The following LHPP variants were observed in gnomAD, a reference collection of about 807,000 sequenced individuals.
LHPP encodes the protein hLHPP.
Under a neutral mutation model 30.3 loss-of-function variants are expected in LHPP, and 24 were observed. The ratio of observed to expected loss-of-function variants is 0.79; its 90% confidence interval spans 0.57 to 1.11. The LOEUF (loss-of-function observed/expected upper bound fraction) is 1.11. Among genes scored for constraint, LHPP ranks in the 50% most tolerant of loss-of-function variants. The probability of loss-of-function intolerance (pLI) is 0.00; values close to 1 mark genes in which losing one functional copy is unlikely to be tolerated. For synonymous variants in LHPP, 150 were observed against 157.1 expected, an observed-to-expected ratio of 0.95 and a Z score of 0.34; for missense variants, 356 against 367.2, an observed-to-expected ratio of 0.97 and a Z score of 0.25.
chr10:124,568,476 C>T (rs1204436882), intron 6 of LHPP, among the ~76,000 whole-genome samples: 10 of 152,170 alleles, frequency 6.6e-5, no homozygotes, highest in Admixed American at 5.9e-4. Flanking sequence ...CGATGAGGCC[C>T]CTTTCGAGTC....
At chr10:124,532,803 A>G (rs138805246) in intron 6 of LHPP, among the ~76,000 whole-genome samples, 56 of 152,332 alleles carry the variant, frequency 3.7e-4, no homozygotes, top group African/African-American at 1.2e-3. Flanking sequence ...GGACAGTGCC[A>G]GCATGTCTGT....
chr10:124,602,162 C>A (rs1949031638), intron 6 of LHPP, among the ~76,000 whole-genome samples: 1 of 152,330 alleles, frequency 6.6e-6, no homozygotes, highest in South Asian at 2.1e-4. Context: ...CTGACGTGAG[C>A]CCAGATTTCG....
chr10:124,537,130 T>G (rs926776161), intron 6 of LHPP, among the ~76,000 whole-genome samples: 1 of 152,230 alleles, frequency 6.6e-6, no homozygotes, highest in African/African-American at 2.4e-5. Context: ...GTAAAGAATT[T>G]GAGAATCAGA....
chr10:124,508,699 A>T (rs1211651205), intron 5 of LHPP, among the ~76,000 whole-genome samples: 1 of 152,134 alleles, frequency 6.6e-6, no homozygotes. Context: ...AAAATTCAGG[A>T]AAGTACAAGA....
At chr10:124,470,681 C>CAATAATAAT (rs71026092) in intron 1 of LHPP, among the ~76,000 whole-genome samples, 19,496 of 149,848 alleles carry the variant, frequency 0.13, 1,711 homozygotes, top group Non-Finnish European at 0.18. Flanking sequence ...ACAACAACAA[C>CAATAATAAT]AATAATAATA....
intron 1 of LHPP, among the ~76,000 whole-genome samples, chr10:124,462,247 G>C (rs72835577): frequency 0.024 from 3,615 of 152,290 alleles, 85 homozygotes; most frequent in East Asian, 0.12. Flanking sequence ...CTGAGCGCTT[G>C]ACCTGCGGCC....
intron 6 of LHPP, among the ~76,000 whole-genome samples, chr10:124,611,870 T>C: frequency 6.6e-6 from 1 of 152,228 alleles, no homozygotes; most frequent in East Asian, 1.9e-4. Flanking sequence ...GTGGGGGCGC[T>C]GCTGCCGGGA....
intron 2 of LHPP, among the ~76,000 whole-genome samples, chr10:124,488,004 G>T (rs536643268): frequency 3.9e-5 from 6 of 152,162 alleles, no homozygotes; most frequent in Non-Finnish European, 8.8e-5. Flanking sequence ...TGTGTCAACG[G>T]TTCTTACAGT....
At chr10:124,595,886 T>A (rs948566491) in intron 6 of LHPP, among the ~76,000 whole-genome samples, 1 of 152,220 alleles carries the variant, frequency 6.6e-6, no homozygotes, top group Admixed American at 6.5e-5. Context: ...CACACCGCTC[T>A]CCCTGCACAG....
intron 6 of LHPP, among the ~76,000 whole-genome samples, chr10:124,556,795 G>A (rs10901759): frequency 0.41 from 62,504 of 152,030 alleles, 14,040 homozygotes; most frequent in Non-Finnish European, 0.52. Context: ...TTCCTCAGTC[G>A]CTGATATTTG....
chr10:124,531,076 C>T (rs1954890298), intron 6 of LHPP, among the ~76,000 whole-genome samples: 1 of 152,178 alleles, frequency 6.6e-6, no homozygotes, highest in Admixed American at 6.5e-5. Context: ...CCACCTGGAG[C>T]CTTTATGCAT....
At chr10:124,484,670 CAGAGAGAG>C (rs5788664) in intron 2 of LHPP, among the ~76,000 whole-genome samples, 3 of 144,166 alleles carry the variant, frequency 2.1e-5, no homozygotes, top group African/African-American at 5.2e-5. Flanking sequence ...GAGAAAGAGA[CAGAGAGAG>C]AGAGAGAGAG....
Position 124,576,083 on chromosome 10 carries a change from T to C in LHPP, c.717-37181T>C, listed in dbSNP as rs1034230605. Among the ~76,000 whole-genome samples, 11 of 152,164 alleles carry C rather than the reference T, an allele frequency of 7.2e-5. No homozygotes were observed. The highest frequency in any genetic ancestry group is 2.4e-4 in the African/African-American group (10 of 41,420). On this transcript the variant is annotated intron_variant, in intron 6 of 6. Coordinates refer to ENST00000368842, the MANE Select transcript of LHPP (RefSeq NM_022126.4). The surrounding 1 kb of genome is among the most constrained non-coding windows in gnomAD (Gnocchi z 4.2). ...CACTGGATTGGTCGTTTCTGCATTG[T>C]CCGGAGCTCTCAGACCTGGTTTCTT...
At chr10:124,524,735 G>C (rs962613773) in intron 6 of LHPP, among the ~76,000 whole-genome samples, 2 of 152,192 alleles carry the variant, frequency 1.3e-5, no homozygotes, top group Non-Finnish European at 2.9e-5. Flanking sequence ...GGGAGGCTGA[G>C]GCAGGAGGAT....
intron 6 of LHPP, among the ~76,000 whole-genome samples, chr10:124,522,774 A>C (rs1686798639): frequency 6.8e-6 from 1 of 147,308 alleles, no homozygotes; most frequent in Non-Finnish European, 1.5e-5. Flanking sequence ...CTGTCAAGGC[A>C]GCCCTCATCT....
At chr10:124,597,972 C>T (rs186557092) in intron 6 of LHPP, among the ~76,000 whole-genome samples, 6 of 152,338 alleles carry the variant, frequency 3.9e-5, no homozygotes, top group East Asian at 3.9e-4. Flanking sequence ...TGAGCCCTGC[C>T]GGCCACCTGC....
chr10:124,558,760 G>A (rs74160932), intron 6 of LHPP, among the ~76,000 whole-genome samples: 1,582 of 152,334 alleles, frequency 0.01, 20 homozygotes, highest in African/African-American at 0.037. Context: ...CAGTCCCAGT[G>A]TCAAGCTTAG....
intron 6 of LHPP, among the ~76,000 whole-genome samples, chr10:124,529,358 T>C (rs564456121): frequency 2.6e-5 from 4 of 152,062 alleles, no homozygotes; most frequent in Non-Finnish European, 5.9e-5. Context: ...TGCGGGGTTA[T>C]TAAAAACAGA....
At chr10:124,562,224 C>T (rs1036488216) in intron 6 of LHPP, among the ~76,000 whole-genome samples, 2 of 152,112 alleles carry the variant, frequency 1.3e-5, no homozygotes, top group African/African-American at 4.8e-5. Context: ...GGAGGATCAC[C>T]TGAGCCTGAA....
Sources: allele counts gnomAD v4.1 joint callset (sites outside exome capture counted in the v4.1 genomes callset), GRCh38; gene constraint gnomAD v4.1.1; non-coding constraint Gnocchi (gnomAD v3.1); transcripts MANE v1.5; gene names NCBI Gene and HGNC (gene_info 2026-07-23, HGNC 2026-07-21).